The following COL4A4 variants were observed in gnomAD, a reference collection of about 807,000 sequenced individuals.
The protein encoded by COL4A4 is collagen alpha-4(IV) chain.
Under a neutral mutation model 192.9 loss-of-function variants are expected in COL4A4, and 105 were observed. That is an observed-to-expected ratio of 0.54 (90% CI 0.46 to 0.64). The LOEUF (loss-of-function observed/expected upper bound fraction) is 0.64. Among genes scored for constraint, COL4A4 ranks in the 30% least tolerant of loss-of-function variants. COL4A4 has a pLI of 0.00. For missense variants in COL4A4, 1,967 were observed against 2,169.3 expected (o/e 0.91, Z 1.85); for synonymous variants, 762 against 769.9 (o/e 0.99, Z 0.17).
intron 20 of COL4A4, among the ~76,000 whole-genome samples, 195 bp downstream of exon 20, chr2:227,093,930 C>G (rs1233218444): frequency 6.6e-6 from 1 of 152,172 alleles, no homozygotes; most frequent in Non-Finnish European, 1.5e-5. Context: ...ACTGAAACTC[C>G]TAACCAAATG....
At position 227,118,645 on chromosome 2, in the gene COL4A4, T is replaced by C. The variant is rs1177525984; in HGVS notation, c.489A>G (p.Leu163=). The stretch of plus-strand genomic sequence containing the variant: ...TTAAGATGAACTGTGGGTATCTTAC[T>C]AGGGGGCCTCCTGGGCCAAGAGCTC... ...GRGALGPGGP[L]GHPGEKGEKG... The change falls in exon 7 of 48, where the codon CTA becomes CTG. Residue 163 remains leucine, a splice_region_variant and synonymous_variant. Coordinates refer to ENST00000396625, the MANE Select transcript of COL4A4 (RefSeq NM_000092.5). 1 of 1,609,236 alleles carries C rather than the reference T, an allele frequency of 6.2e-7. No homozygotes were observed. The highest frequency in any genetic ancestry group is 1.7e-5 in the Admixed American group (1 of 60,008).
rs1180189168 is a variant in COL4A4, at chr2:227,007,028, C to G, written c.*297G>C. ...ATGTAATTTGTAATCTGGCCTTTAT[C>G]ATCTACTTGCCTTTCTGAGAATTAG... is the stretch of plus-strand genomic sequence containing the variant. On this transcript the variant is annotated 3_prime_UTR_variant, in exon 48 of 48. Coordinates refer to ENST00000396625, the MANE Select transcript of COL4A4 (RefSeq NM_000092.5). The G allele has an allele frequency of 2.3e-6, 1 of 433,522 alleles. No homozygotes were observed. The highest frequency in any genetic ancestry group is 4.8e-5 in the East Asian group (1 of 20,960). The allele number at this position is 433,522 out of a possible 1,614,324, so 26.9% of individuals were successfully genotyped here.
chr2:227,023,449 A>AAG (rs1172214319), intron 43 of COL4A4, among the ~76,000 whole-genome samples: 2 of 151,840 alleles, frequency 1.3e-5, no homozygotes, highest in Admixed American at 6.6e-5. Flanking sequence ...CTCAAAAAAA[A>AAG]AAAAAAGAAA....
At chr2:227,110,446 A>T (rs7426188) in intron 9 of COL4A4, among the ~76,000 whole-genome samples, 1 of 150,478 alleles carries the variant, frequency 6.6e-6, no homozygotes, top group East Asian at 2.0e-4. Context: ...TGCAGTGGTG[A>T]GATCTTGGCT....
chr2:227,158,467 A>G (rs1401569624), intron 1 of COL4A4, among the ~76,000 whole-genome samples: 2 of 152,130 alleles, frequency 1.3e-5, no homozygotes, highest in Non-Finnish European at 2.9e-5. Flanking sequence ...CAAAAGAAAA[A>G]AATTATAAAT....
chr2:227,101,604 G>T, intron 16 of COL4A4, 47 bp from the exon 17 acceptor site: 1 of 1,527,030 alleles, frequency 6.5e-7, no homozygotes, highest in South Asian at 1.1e-5. Flanking sequence ...GTGACTGGGT[G>T]ACAAATTATC....
At chr2:227,069,422 G>A in intron 25 of COL4A4, among the ~76,000 whole-genome samples, 1 of 152,146 alleles carries the variant, frequency 6.6e-6, no homozygotes, top group Non-Finnish European at 1.5e-5. Flanking sequence ...TCAATCCTAA[G>A]CCAAAAGAAC....
chr2:227,040,294 T>G (rs73091470), intron 37 of COL4A4, among the ~76,000 whole-genome samples: 1 of 152,306 alleles, frequency 6.6e-6, no homozygotes, highest in African/African-American at 2.4e-5. Context: ...GTTACAAGAC[T>G]CTACCAAGTA....
chr2:226,999,478 AC>A (rs1302736223), downstream of COL4A4, among the ~76,000 whole-genome samples: 1 of 152,156 alleles, frequency 6.6e-6, no homozygotes, highest in Non-Finnish European at 1.5e-5. Context: ...TGTGAGTAGT[AC>A]CGAATCTTGC....
At chr2:227,000,545 T>TAGAG (rs1354017086), downstream of COL4A4, among the ~76,000 whole-genome samples, 4 of 152,258 alleles carry the variant, frequency 2.6e-5, no homozygotes, top group African/African-American at 9.6e-5. Flanking sequence ...AGCTACCCCC[T>TAGAG]AGAGATAATG....
At chr2:227,082,767 A>T (rs1436376619) in intron 22 of COL4A4, among the ~76,000 whole-genome samples, 2 of 152,166 alleles carry the variant, frequency 1.3e-5, no homozygotes, top group African/African-American at 4.8e-5. Flanking sequence ...GGAGAAGAGG[A>T]ATTAAGAACC....
At chr2:227,122,128 C>T (rs1241325518) in intron 4 of COL4A4, among the ~76,000 whole-genome samples, 2 of 152,188 alleles carry the variant, frequency 1.3e-5, no homozygotes, top group African/African-American at 4.8e-5. Context: ...CTTTATGGGG[C>T]TCCTACCTCA....
chr2:227,065,039 A>T (rs62225158), intron 25 of COL4A4, among the ~76,000 whole-genome samples: 11,357 of 152,142 alleles, frequency 0.075, 379 homozygotes, highest in East Asian at 0.18. Context: ...CGCACCGTGC[A>T]CGAGCCGAAG....
intron 34 of COL4A4, among the ~76,000 whole-genome samples, chr2:227,048,348 G>T (rs1973336806): frequency 6.6e-6 from 1 of 152,106 alleles, no homozygotes; most frequent in Non-Finnish European, 1.5e-5. Context: ...GTGGGATTCT[G>T]GCCCATTCCA....
the COL4A4 span, among the ~76,000 whole-genome samples, chr2:226,979,605 G>A: frequency 6.6e-6 from 1 of 152,178 alleles, no homozygotes; most frequent in African/African-American, 2.4e-5. Flanking sequence ...GGAGGAGAGA[G>A]GAAGAGCAAG....
At chr2:227,014,996 TC>T (rs1964577238) in intron 44 of COL4A4, among the ~76,000 whole-genome samples, 1 of 151,530 alleles carries the variant, frequency 6.6e-6, no homozygotes, top group Non-Finnish European at 1.5e-5. Flanking sequence ...CCTCTCAGGT[TC>T]AAGTGATTCT....
chr2:227,121,203 A>G, intron 4 of COL4A4, 55 bp from the exon 5 acceptor site: 1 of 1,584,514 alleles, frequency 6.3e-7, no homozygotes, highest in Non-Finnish European at 8.6e-7. Flanking sequence ...ACTGTCTTCT[A>G]ACACAAACAT....
chr2:227,102,765 A>G (rs1198597205), intron 15 of COL4A4, 24 bp downstream of exon 15: 1 of 1,597,358 alleles, frequency 6.3e-7, no homozygotes, highest in South Asian at 1.1e-5. Flanking sequence ...AAATTCACTG[A>G]TGTTAACAGC....
chr2:227,160,272 G>T (rs1007659116), intron 1 of COL4A4, among the ~76,000 whole-genome samples: 1 of 152,172 alleles, frequency 6.6e-6, no homozygotes, highest in Non-Finnish European at 1.5e-5. Flanking sequence ...GTGGCACGAT[G>T]TGTGTGATGA....
Sources: gnomAD v4.1 joint callset for allele counts (sites outside exome capture counted in the v4.1 genomes callset) on GRCh38, gnomAD v4.1.1 for gene constraint, MANE v1.5 for transcripts, NCBI Gene and HGNC (gene_info 2026-07-23, HGNC 2026-07-21) for gene names.